The following TERT variants were observed in gnomAD, a reference collection of about 807,000 sequenced individuals.
TERT encodes the protein telomerase reverse transcriptase.
A neutral mutation model predicts 104.0 loss-of-function variants in TERT; 42 were observed. The ratio of observed to expected loss-of-function variants is 0.40; its 90% confidence interval spans 0.32 to 0.52. The LOEUF (loss-of-function observed/expected upper bound fraction) is 0.52. Ranked by LOEUF, TERT falls within the 20% of genes least tolerant of loss-of-function variation. The pLI is 0.43. For missense variants in TERT, 1,101 were observed against 1,610.3 expected (o/e 0.68, Z 5.41); for synonymous variants, 781 against 725.6 (o/e 1.08, Z -1.23).
At chr5:1,276,572 C>T (rs987074797) in intron 6 of TERT, among the ~76,000 whole-genome samples, 57 of 150,432 alleles carry the variant, frequency 3.8e-4, no homozygotes, top group African/African-American at 1.4e-3. Flanking sequence ...CTACCCCACA[C>T]ATAAAAACCA....
At position 1,274,606 on chromosome 5, in the gene TERT, T is replaced by C. The variant is rs2126629131; in HGVS notation, c.2287-2326A>G. ...CTCTCACGCACAGTTCTCAGTAGGG[T>C]GTGTGCGCCTCTGAGCACCGCATGC... On this transcript the variant is annotated intron_variant, in intron 6 of 15. Transcript: ENST00000310581. The surrounding 1 kb of genome is among the most constrained non-coding windows in gnomAD (Gnocchi z 5.3). Among the ~76,000 whole-genome samples, 1 of 152,164 alleles carries C rather than the reference T, an allele frequency of 6.6e-6. No homozygotes were observed. The highest frequency in any genetic ancestry group is 1.9e-4 in the East Asian group (1 of 5,158).
intron 2 of TERT, chr5:1,282,889 A>C (rs1750137235): frequency 3.9e-6 from 2 of 512,310 alleles, no homozygotes; most frequent in South Asian, 3.9e-5. Flanking sequence ...GCATCCAGAC[A>C]CCACACATCC....
Position 1,287,784 on chromosome 5 carries a change from T to A in TERT, c.1574-5160A>T, listed in dbSNP as rs1750587526. ...GGACTATGGCCTCCTTCTTGGAATTTCATGCATCTAGAAGGAGACAGAAGC... is the reference window on the plus strand; with the variant it reads ...GGACTATGGCCTCCTTCTTGGAATTACATGCATCTAGAAGGAGACAGAAGC... On this transcript the variant is annotated intron_variant, in intron 2 of 15. Transcript: ENST00000310581. The surrounding 1 kb of genome is among the most constrained non-coding windows in gnomAD (Gnocchi z 4.3). Among the ~76,000 whole-genome samples the A allele has an allele frequency of 6.6e-6, 1 of 151,998 alleles. No homozygotes were observed. The highest frequency in any genetic ancestry group is 1.5e-5 in the Non-Finnish European group (1 of 68,020).
intron 3 of TERT, among the ~76,000 whole-genome samples, chr5:1,280,568 C>T (rs983664240): frequency 4.6e-5 from 7 of 152,148 alleles, no homozygotes; most frequent in African/African-American, 7.2e-5. Context: ...ACCCTGGGGA[C>T]GCCCAGTCCG....
intron 6 of TERT, among the ~76,000 whole-genome samples, chr5:1,276,838 AAGTGGACTGCGTTACTGGACTGTGTT>A (rs1389398324): frequency 1.3e-5 from 2 of 152,252 alleles, no homozygotes; most frequent in African/African-American, 4.8e-5. Flanking sequence ...ACAGCTGATA[AAGTGGACTGCGTTACTGGACTGTGTT>A]AGTGGACTGC....
rs1319550869 is a variant in TERT, at chr5:1,265,920, T to C, written c.2654+544A>G. On this transcript the variant is annotated intron_variant, in intron 10 of 15. Coordinates refer to ENST00000310581, the MANE Select transcript of TERT (RefSeq NM_198253.3). The surrounding 1 kb of genome is among the most constrained non-coding windows in gnomAD (Gnocchi z 6.9). ...TTTAGTTTGATTCACAAAAATCAAC[T>C]CTGAAACCCACTCCTAGCCATCTCC... 1.3e-5 allele frequency among the ~76,000 whole-genome samples: 2 copies of C among 152,164 alleles called. No homozygotes were observed.
chr5:1,283,217 G>A (rs866242284), intron 2 of TERT, among the ~76,000 whole-genome samples: 6 of 141,810 alleles, frequency 4.2e-5, no homozygotes, highest in Non-Finnish European at 9.2e-5. Flanking sequence ...CTAACCGCAG[G>A]GCCTGGTGAC....
At position 1,293,908 on chromosome 5, in the gene TERT, G is replaced by A. The variant is rs1435076658; in HGVS notation, c.978C>T (p.Ala326=). The part of the protein sequence containing the change: ...PWDTPCPPVY[A]ETKHFLYSSG... ...AGGAGTAGAGGAAGTGCTTGGTCTC[G>A]GCGTACACCGGGGGACAAGGCGTGT... Residue 326 remains alanine (A), a synonymous_variant, in exon 2 of 16, where the codon GCC becomes GCT. Transcript: ENST00000310581. 8 of 1,541,948 alleles carry A rather than the reference G, an allele frequency of 5.2e-6. No individual in the cohort carries two copies. Among genetic ancestry groups the A allele is most frequent in the Non-Finnish European group, 7.0e-6 (8 of 1,147,058 alleles).
intron 3 of TERT, among the ~76,000 whole-genome samples, chr5:1,280,807 A>G (rs965199137): frequency 6.9e-6 from 1 of 143,948 alleles, no homozygotes; most frequent in African/African-American, 2.6e-5. Flanking sequence ...TCAGCCAAGG[A>G]GCAGAATCAG....
chr5:1,278,600 A>G, intron 6 of TERT, 41 bp downstream of exon 6: 1 of 1,613,734 alleles, frequency 6.2e-7, no homozygotes, highest in Non-Finnish European at 8.5e-7. Context: ...CATATCCCAG[A>G]GACACACATC....
intron 6 of TERT, among the ~76,000 whole-genome samples, chr5:1,276,768 C>T (rs905593832): frequency 6.6e-6 from 1 of 152,254 alleles, no homozygotes; most frequent in African/African-American, 2.4e-5. Context: ...GCAGAAGCAA[C>T]GTCACCACAA....
Position 1,280,152 on chromosome 5 carries a change from A to G in TERT, c.1950+6T>C. The G allele has an allele frequency of 6.2e-7, 1 of 1,613,864 alleles. No individual in the cohort carries two copies. Among genetic ancestry groups the G allele is most frequent in the Non-Finnish European group, 8.5e-7 (1 of 1,180,020 alleles). On this transcript the variant is annotated splice_donor_region_variant and intron_variant, in intron 4 of 15. Transcript: ENST00000310581. ...TAAAAAGGAAGTTAAACCAAAGCAC[A>G]GCCACCCTCTTTTCTCTGCGGAACG...
chr5:1,272,485 C>G (rs1422483685), intron 6 of TERT, among the ~76,000 whole-genome samples: 2 of 152,142 alleles, frequency 1.3e-5, no homozygotes, highest in Non-Finnish European at 2.9e-5. Flanking sequence ...ACCTGGGACT[C>G]CACCTGCAGC....
Position 1,292,752 on chromosome 5 carries a change from A to T in TERT, c.1573+561T>A, listed in dbSNP as rs1025730702. Among the ~76,000 whole-genome samples, 1 of 152,166 alleles carries T rather than the reference A, an allele frequency of 6.6e-6. No individual in the cohort carries two copies. Among genetic ancestry groups the T allele is most frequent in the Non-Finnish European group, 1.5e-5 (1 of 68,020 alleles). Reference sequence around the variant, plus strand: ...GGTCTCAAACTCCTGACCTCAGGTGATCCACCTGCCTCAGCTTCCCAAAGT... The same window carrying T: ...GGTCTCAAACTCCTGACCTCAGGTGTTCCACCTGCCTCAGCTTCCCAAAGT... On this transcript the variant is annotated intron_variant, in intron 2 of 15. Coordinates refer to ENST00000310581, the MANE Select transcript of TERT (RefSeq NM_198253.3). This position sits in a 1 kb window ranked among gnomAD's most constrained non-coding sequence, Gnocchi z 5.5.
At chr5:1,266,181 G>T (rs1487528162) in intron 10 of TERT, among the ~76,000 whole-genome samples, 1 of 152,200 alleles carries the variant, frequency 6.6e-6, no homozygotes, top group Non-Finnish European at 1.5e-5. Flanking sequence ...ACTTTCCAAA[G>T]AGCAGCAGGA....
intron 6 of TERT, 68 bp from the exon 7 acceptor site, chr5:1,272,348 C>T: frequency 2.9e-6 from 4 of 1,361,500 alleles, no homozygotes; most frequent in Non-Finnish European, 4.1e-6. Flanking sequence ...GCACTTGTTT[C>T]TTCCGATCAG....
intron 6 of TERT, among the ~76,000 whole-genome samples, chr5:1,273,718 C>T (rs866306546): frequency 1.3e-4 from 4 of 29,842 alleles, no homozygotes; most frequent in African/African-American, 2.8e-4. Context: ...ACCCCACGAC[C>T]GCCATCCACA....
intron 14 of TERT, among the ~76,000 whole-genome samples, chr5:1,254,829 G>A (rs1015868983): frequency 7.9e-5 from 12 of 152,204 alleles, no homozygotes; most frequent in Admixed American, 5.2e-4. Context: ...AGCAGAGGAC[G>A]GCGCGGGGCT....
At chr5:1,264,247 G>T in intron 11 of TERT, 157 bp downstream of exon 11, 1 of 726,136 alleles carries the variant, frequency 1.4e-6, no homozygotes, top group Non-Finnish European at 2.3e-6. Flanking sequence ...ATGCATTTCT[G>T]CTCAGCCCCA....
Sources: gnomAD v4.1 joint callset for allele counts (sites outside exome capture counted in the v4.1 genomes callset) on GRCh38, gnomAD v4.1.1 for gene constraint, Gnocchi (gnomAD v3.1) non-coding constraint, MANE v1.5 for transcripts, NCBI Gene and HGNC (gene_info 2026-07-23, HGNC 2026-07-21) for gene names.